Variants in DSPP observed in about 807,000 individuals in gnomAD.
The protein encoded by DSPP is dentin sialophosphoprotein.
DSPP carries 28 observed loss-of-function variants against 29.1 expected under a neutral mutation model. The ratio of observed to expected loss-of-function variants is 0.96; its 90% CI spans 0.71 to 1.32. The LOEUF (loss-of-function observed/expected upper bound fraction) is 1.32, where lower values mean the gene tolerates loss of function less well. Among genes scored for constraint, DSPP ranks in the 40% most tolerant of loss-of-function variants. The pLI, the probability that DSPP is intolerant of heterozygous loss-of-function variation, is 0.00. For synonymous variants in DSPP, 481 were observed against 503.4 expected (o/e 0.96, Z 0.60); for missense variants, 1,281 against 1,629.9 (o/e 0.79, Z 3.69).
chr4:87,609,382 C>G (rs535744168), intron 1 of DSPP, among the ~76,000 whole-genome samples: 1 of 152,216 alleles, frequency 6.6e-6, no homozygotes, highest in East Asian at 1.9e-4. Context: ...TGCAGACGGG[C>G]CTTCTGCAGA....
rs1727963584 is a variant in DSPP, at chr4:87,616,641, A to G, written c.*73A>G. 12 of 1,549,094 alleles carry G rather than the reference A, an allele frequency of 7.7e-6. No individual in the cohort carries two copies. The South Asian group carries it at 1.2e-4, about 15-fold the overall frequency. On this transcript the variant is annotated 3_prime_UTR_variant, in exon 5 of 5. Transcript: ENST00000651931. Reference sequence around the variant, plus strand: ...GGGATAGGAAAAAAAGATTTCCAAGAAAGTAAAGAAAGGGGAGAAATAAAC... The same window carrying G: ...GGGATAGGAAAAAAAGATTTCCAAGGAAGTAAAGAAAGGGGAGAAATAAAC...
chr4:87,608,906 T>TA (rs1420048058), intron 1 of DSPP, among the ~76,000 whole-genome samples: 2 of 152,222 alleles, frequency 1.3e-5, no homozygotes, highest in African/African-American at 2.4e-5. Context: ...TTAGTTTTGA[T>TA]AAAAAATGAG....
chr4:87,612,304 G>T lies in DSPP; in HGVS notation c.136-18G>T. 3.1e-6 allele frequency: 5 copies of T among 1,613,590 alleles called. No homozygotes were observed. The highest frequency in any genetic ancestry group is 4.2e-6 in the Non-Finnish European group (5 of 1,179,756). On this transcript the variant is annotated intron_variant, in intron 3 of 4. Transcript: ENST00000651931. ...AGATCATTGATACTTATAATTGATT[G>T]AATTGTTTCTTTTTCAGGATGAGTT...
In DSPP at chr4:87,615,145, A is replaced by C. The variant is rs1399717643; in HGVS notation, c.2483A>C (p.Asn828Thr). The C allele has an allele frequency of 6.5e-7, 1 of 1,539,464 alleles. No homozygotes were observed. Among genetic ancestry groups the C allele is most frequent in the South Asian group, 1.2e-5 (1 of 83,474 alleles). The change falls in exon 5 of 5, where the codon AAT becomes ACT. Residue 828 changes from asparagine (N) to threonine (T), a missense_variant. Asn to Thr is a moderately conservative substitution (Grantham distance 65). Around this residue, in one of 4 missense-constraint regions of DSPP, gnomAD observed 444 missense variants for 611.4 expected, o/e 0.73. Transcript: ENST00000651931. ...AGCAGCAATAGCAGTGACAGCAGTA[A>C]TAGTAGTGACAGCAGCGATAGCAGC... is the stretch of plus-strand genomic sequence containing the variant. ...SDSSNSSDSS[N>T]SSDSSDSSNS...
rs922079816 is a variant in DSPP, at chr4:87,608,603, C to G, written c.-46C>G. ...TAAGAAATTCTGGATTTTCAAAATCCTTTTGAAGCCTTTTAAGGTAAGATG... is the reference window on the plus strand; with the variant it reads ...TAAGAAATTCTGGATTTTCAAAATCGTTTTGAAGCCTTTTAAGGTAAGATG... On this transcript the variant is annotated 5_prime_UTR_variant, in exon 1 of 5. Transcript: ENST00000651931. The G allele has an allele frequency of 2.6e-5, 4 of 152,146 alleles. No homozygotes were observed. The highest frequency in any genetic ancestry group is 9.7e-5 in the African/African-American group (4 of 41,428). The allele number at this position is 152,146 out of a possible 1,614,324, so 9.4% of individuals were successfully genotyped here.
rs766850791 is a variant in DSPP at position 87,614,699 on chromosome 4, TAGCAGTGAC to T, written c.2043_2051del (p.Asp682_Ser684del). 1.9e-6 allele frequency: 3 copies of T among 1,539,204 alleles called. No individual in the cohort carries two copies. The highest frequency in any genetic ancestry group is 1.8e-6 in the Non-Finnish European group (2 of 1,141,782). On this transcript the variant is annotated inframe_deletion, in exon 5 of 5. Coordinates refer to ENST00000651931, the MANE Select transcript of DSPP (RefSeq NM_014208.3). ...GCAGTGATAGCAGTGACAGCAGCAG[TAGCAGTGAC>T]AGCAGCAACAGCAGTGATAGTAGTG...
chr4:87,609,153 T>C (rs1219099259), intron 1 of DSPP, among the ~76,000 whole-genome samples: 1 of 152,208 alleles, frequency 6.6e-6, no homozygotes, highest in Non-Finnish European at 1.5e-5. Flanking sequence ...GAAGTCTTTG[T>C]TTCATGCTGA....
chr4:87,614,690 CAGCAGCAGT>C lies in DSPP; in HGVS notation c.2034_2042del (p.Ser679_Ser681del), dbSNP rs201454415. The C allele has an allele frequency of 6.5e-7, 1 of 1,544,172 alleles. No homozygotes were observed. The highest frequency in any genetic ancestry group is 2.5e-5 in the East Asian group (1 of 40,702). ...GTAGTGACAGCAGTGATAGCAGTGA[CAGCAGCAGT>C]AGCAGTGACAGCAGCAACAGCAGTG... On this transcript the variant is annotated inframe_deletion, in exon 5 of 5. Transcript: ENST00000651931.
In DSPP at chr4:87,613,322, G is replaced by A. The variant is rs1727777951; in HGVS notation, c.1122+14G>A. On this transcript the variant is annotated intron_variant, in intron 4 of 4. Transcript: ENST00000651931. ...AGCCAAGATAAGGTTAGTTTGTAAAGCTGATTTCTTTCAATGGCAGTTTAA... is the reference window on the plus strand; with the variant it reads ...AGCCAAGATAAGGTTAGTTTGTAAAACTGATTTCTTTCAATGGCAGTTTAA... The A allele has an allele frequency of 6.2e-7, 1 of 1,612,922 alleles. No homozygotes were observed. The highest frequency in any genetic ancestry group is 1.1e-5 in the South Asian group (1 of 91,040).
In DSPP at chr4:87,614,218, C is replaced by A. The variant is rs1344483862; in HGVS notation, c.1556C>A (p.Ser519Ter). The part of the protein sequence containing the change: ...GAEDDDSDST[S>*]DTNNSDSNGN... Reference sequence around the variant, plus strand: ...GAAGATGATGACAGTGATAGCACATCAGACACTAATAATAGTGACAGTAAT... The same window carrying A: ...GAAGATGATGACAGTGATAGCACATAAGACACTAATAATAGTGACAGTAAT... Residue 519 changes from serine to a stop codon, truncating the protein, a stop_gained, in exon 5 of 5, where the codon TCA becomes TAA. Transcript: ENST00000651931. LOFTEE classifies it low-confidence loss of function (END_TRUNC). The A allele has an allele frequency of 2.5e-6, 4 of 1,614,098 alleles. No individual in the cohort carries two copies. Among genetic ancestry groups the A allele is most frequent in the East Asian group, 2.2e-5 (1 of 44,900 alleles).
Position 87,612,981 on chromosome 4 carries a change from A to T in DSPP, c.795A>T (p.Glu265Asp). 6.2e-7 allele frequency: 1 copy of T among 1,614,196 alleles called. No homozygotes were observed. The highest frequency in any genetic ancestry group is 8.5e-7 in the Non-Finnish European group (1 of 1,180,036). Residue 265 changes from glutamate to aspartate, a missense_variant, in exon 4 of 5, where the codon GAA (glutamate) becomes GAT (aspartate). Glu to Asp is a conservative substitution (Grantham distance 45). This residue lies in a region of DSPP where 631 missense variants were observed against 643.2 expected (regional missense o/e 0.98). Coordinates refer to ENST00000651931, the MANE Select transcript of DSPP (RefSeq NM_014208.3). ...EDEGSGDDED[E>D]EAGNGKDSSN... The stretch of plus-strand genomic sequence containing the variant: ...AGGGTTCTGGTGATGATGAAGATGA[A>T]GAAGCAGGGAATGGAAAAGACAGTA...
chr4:87,611,030 A>G, intron 2 of DSPP, 71 bp downstream of exon 2: 1 of 820,788 alleles, frequency 1.2e-6, no homozygotes, highest in Non-Finnish European at 2.1e-6. Flanking sequence ...TACAAAATGT[A>G]GTGTGTGTGT....
Position 87,615,470 on chromosome 4 carries a change from T to C in DSPP, c.2808T>C (p.Ser936=), listed in dbSNP as rs1298425460. The change falls in exon 5 of 5, where the codon AGT becomes AGC. Residue 936 remains serine, a synonymous_variant. Transcript: ENST00000651931. ...SSNSSDNSNS[S]DSSNSSDSSD... ...ATAGTAGTGACAACAGCAATAGCAG[T>C]GACAGCAGCAACAGCAGTGACAGCA... 1.9e-6 allele frequency: 3 copies of C among 1,548,996 alleles called. No individual in the cohort carries two copies. Among genetic ancestry groups the C allele is most frequent in the Non-Finnish European group, 2.6e-6 (3 of 1,146,608 alleles).
Position 87,616,795 on chromosome 4 carries a change from G to C in DSPP, c.*227G>C, listed in dbSNP as rs181458661. 3.9e-3 allele frequency: 2,604 copies of C among 670,934 alleles called. 16 individuals are homozygous for C. Among genetic ancestry groups the C allele is most frequent in the Non-Finnish European group, 5.4e-3 (2,172 of 401,524 alleles). The allele number at this position is 670,934 out of a possible 1,614,324, so 41.6% of individuals were successfully genotyped here. A position where few individuals can be genotyped will look rare whatever the true frequency, so the allele number is the denominator to read the frequency against. On this transcript the variant is annotated 3_prime_UTR_variant, in exon 5 of 5. Transcript: ENST00000651931. Reference sequence around the variant, plus strand: ...TTGGTACATGCCTGTTAATATTCATGTTCTGAAAATATTTTGTTAAAAGTG... The same window carrying C: ...TTGGTACATGCCTGTTAATATTCATCTTCTGAAAATATTTTGTTAAAAGTG...
chr4:87,614,121 A>G lies in DSPP; in HGVS notation c.1459A>G (p.Ser487Gly). 2 of 1,614,264 alleles carry G rather than the reference A, an allele frequency of 1.2e-6. No individual in the cohort carries two copies. The highest frequency in any genetic ancestry group is 1.7e-6 in the Non-Finnish European group (2 of 1,180,046). The change falls in exon 5 of 5, where the codon AGC becomes GGC. Residue 487 changes from serine to glycine, a missense_variant. Around this residue, in one of 4 missense-constraint regions of DSPP, gnomAD observed 631 missense variants for 643.2 expected, o/e 0.98. Coordinates refer to ENST00000651931, the MANE Select transcript of DSPP (RefSeq NM_014208.3). ...TTCAGAAAGTGACAATAACAGCAGT[A>G]GCCGAGGAGATGCTTCTTATAACTC... ...ANSESDNNSSSRGDASYNSDE... is the reference protein window; with the variant it reads ...ANSESDNNSSGRGDASYNSDE...
At chr4:87,613,435 T>G in intron 4 of DSPP, 127 bp downstream of exon 4, 2 of 1,185,666 alleles carry the variant, frequency 1.7e-6, no homozygotes, top group Non-Finnish European at 2.4e-6. Flanking sequence ...CTTGACTATT[T>G]AAGGAAATCT....
Position 87,616,858 on chromosome 4 carries a change from A to T in DSPP, c.*290A>T. The T allele has an allele frequency of 1.7e-6, 1 of 599,086 alleles. No homozygotes were observed. Among genetic ancestry groups the T allele is most frequent in the Non-Finnish European group, 2.9e-6 (1 of 343,430 alleles). The allele number at this position is 599,086 out of a possible 1,614,324, so 37.1% of individuals were successfully genotyped here. ...TAAAAGAACAATTAAAATATTCTTT[A>T]ATACTTCACACAGAAACCTCAAGTA... On this transcript the variant is annotated 3_prime_UTR_variant, in exon 5 of 5. Transcript: ENST00000651931.
At position 87,612,882 on chromosome 4, in the gene DSPP, C is replaced by T; in HGVS notation, c.696C>T (p.Gly232=). The T allele has an allele frequency of 1.9e-6, 3 of 1,614,140 alleles. No individual in the cohort carries two copies. Among genetic ancestry groups the T allele is most frequent in the Non-Finnish European group, 2.5e-6 (3 of 1,180,034 alleles). The change falls in exon 4 of 5, where the codon GGC becomes GGT. Residue 232 remains glycine, a synonymous_variant. Coordinates refer to ENST00000651931, the MANE Select transcript of DSPP (RefSeq NM_014208.3). ...CTAAGGAAGCTGAGGTAACACCAGGCACTGGAGAAGATGCTGGCCTGGATA... is the reference window on the plus strand; with the variant it reads ...CTAAGGAAGCTGAGGTAACACCAGGTACTGGAGAAGATGCTGGCCTGGATA... ...NGTKEAEVTP[G]TGEDAGLDNS...
intron 2 of DSPP, 71 bp downstream of exon 2, chr4:87,611,030 AGTGTGTGTGTGTGT>A: frequency 7.3e-6 from 6 of 820,782 alleles, no homozygotes; most frequent in African/African-American, 3.5e-5. Flanking sequence ...TACAAAATGT[AGTGTGTGTGTGTGT>A]GTGTGTGTGT....
Sources: gnomAD v4.1 joint callset for allele counts (sites outside exome capture counted in the v4.1 genomes callset) on GRCh38, gnomAD v4.1.1 for gene constraint, gnomAD v4.1.1 regional missense constraint, MANE v1.5 for transcripts, NCBI Gene and HGNC (gene_info 2026-07-23, HGNC 2026-07-21) for gene names.